MYH10: variants seen among roughly 807,000 people sequenced by gnomAD.
MYH10 encodes myosin heavy chain 10, also known as myosin-10.
In MYH10, 55 loss-of-function variants were observed where a neutral mutation model predicts 257.8. That is an observed-to-expected ratio of 0.21 (90% CI 0.17 to 0.27). The LOEUF (loss-of-function observed/expected upper bound fraction) is 0.27. MYH10 is among the 10% of genes least tolerant of loss of function. The pLI, the probability that MYH10 is intolerant of heterozygous loss-of-function variation, is 1.00. For synonymous variants in MYH10, 854 were observed against 921.7 expected (o/e 0.93, Z 1.33); for missense variants, 1,631 against 2,500.6 (o/e 0.65, Z 7.42).
At chr17:8,489,274 T>C (rs1915367552) in intron 35 of MYH10, among the ~76,000 whole-genome samples, 1 of 152,136 alleles carries the variant, frequency 6.6e-6, no homozygotes. Context: ...GCTTCCCAAT[T>C]CCTCACCCAC....
chr17:8,484,921 C>T (rs1407620968), intron 36 of MYH10, among the ~76,000 whole-genome samples: 1 of 152,184 alleles, frequency 6.6e-6, no homozygotes, highest in Admixed American at 6.5e-5. Context: ...GATCTTGCCA[C>T]TTCTACTTAA....
In MYH10 at chr17:8,551,156, A is replaced by G. The variant is rs199901642; in HGVS notation, c.919+890T>C. 1.6e-3 allele frequency among the ~76,000 whole-genome samples: 16 copies of G among 10,132 alleles called. 1 individual carries two copies. Among genetic ancestry groups the G allele is most frequent in the Non-Finnish European group, 2.6e-3 (11 of 4,288 alleles). 6.6% of individuals were successfully genotyped at this position (10,132 alleles called of 152,430 possible). A position where few individuals can be genotyped will look rare whatever the true frequency, so the allele number is the denominator to read the frequency against. On this transcript the variant is annotated intron_variant, in intron 9 of 42. Coordinates refer to ENST00000360416, the MANE Select transcript of MYH10 (RefSeq NM_001256012.3). The stretch of plus-strand genomic sequence containing the variant: ...TATCAATAAAAAATAAATAAATAAT[A>G]AATTTAAAAAAAAAAAAAAAGAATT...
At chr17:8,618,857 T>C (rs1000444830) in intron 2 of MYH10, among the ~76,000 whole-genome samples, 2 of 152,222 alleles carry the variant, frequency 1.3e-5, no homozygotes, top group Non-Finnish European at 2.9e-5. Context: ...GATACAAGTT[T>C]CCTAAAATTC....
At chr17:8,517,098 G>A (rs1053953921) in intron 21 of MYH10, among the ~76,000 whole-genome samples, 1 of 152,158 alleles carries the variant, frequency 6.6e-6, no homozygotes, top group South Asian at 2.1e-4. Context: ...CCGAGGTCGC[G>A]CCACTGCACT....
chr17:8,595,012 C>T (rs1388432841), intron 3 of MYH10, among the ~76,000 whole-genome samples: 2 of 152,092 alleles, frequency 1.3e-5, no homozygotes, highest in Non-Finnish European at 2.9e-5. Flanking sequence ...AAACTGAAAA[C>T]AATCTAAATG....
intron 16 of MYH10, among the ~76,000 whole-genome samples, chr17:8,534,982 G>A (rs1393206404): frequency 4.6e-5 from 7 of 152,204 alleles, no homozygotes; most frequent in East Asian, 1.9e-4. Context: ...TGGGTGTCGC[G>A]GCGGGTGCGG....
At chr17:8,578,353 C>T (rs2083578818) in intron 4 of MYH10, among the ~76,000 whole-genome samples, 1 of 151,472 alleles carries the variant, frequency 6.6e-6, no homozygotes, top group South Asian at 2.1e-4. Flanking sequence ...AACAATTCTC[C>T]TGCCTCAGCT....
chr17:8,522,113 AAAG>A (rs1379479193), intron 17 of MYH10, among the ~76,000 whole-genome samples: 2 of 152,228 alleles, frequency 1.3e-5, no homozygotes, highest in Non-Finnish European at 2.9e-5. Flanking sequence ...CTCTTATTGA[AAAG>A]AAGTTAAATG....
Position 8,523,973 on chromosome 17 carries a change from G to A in MYH10, c.1958-2688C>T, listed in dbSNP as rs184989972. 9.3e-4 allele frequency among the ~76,000 whole-genome samples: 141 copies of A among 152,284 alleles called. 1 individual carries two copies. The highest frequency in any genetic ancestry group is 3.2e-3 in the African/African-American group (132 of 41,556). On this transcript the variant is annotated intron_variant, in intron 17 of 42. Coordinates refer to ENST00000360416, the MANE Select transcript of MYH10 (RefSeq NM_001256012.3). ...AAGTCTGGGATGCCTGGGGGACTTC[G>A]AAGTGGAAGAGAAATGTCAAGTGAC...
In MYH10 at chr17:8,504,453, C is replaced by T. The variant is rs945924004; in HGVS notation, c.3599+241G>A. Among the ~76,000 whole-genome samples, 4 of 152,292 alleles carry T rather than the reference C, an allele frequency of 2.6e-5. No individual in the cohort carries two copies. The highest frequency in any genetic ancestry group is 6.5e-5 in the Admixed American group (1 of 15,304). On this transcript the variant is annotated intron_variant, in intron 28 of 42. Transcript: ENST00000360416. The surrounding 1 kb of genome is among the most constrained non-coding windows in gnomAD (Gnocchi z 5.6). ...TATCCATCACTGACCACAGCTTTTC[C>T]GATCACATCCATCTCCCTCTGTGTC...
At chr17:8,503,449 T>A (rs1333991159) in intron 28 of MYH10, among the ~76,000 whole-genome samples, 1 of 151,994 alleles carries the variant, frequency 6.6e-6, no homozygotes, top group Non-Finnish European at 1.5e-5. Context: ...ATGGCTAGGA[T>A]CATGGCAAAC....
Position 8,475,916 on chromosome 17 carries a change from C to T in MYH10, c.5912G>A (p.Arg1971Gln), listed in dbSNP as rs370970711. ...AAGGTGCAGCTGGCGCCGGCCAGATCGGCTGGAAGAGAAGCTGATGGGGCC... is the reference window on the plus strand; with the variant it reads ...AAGGTGCAGCTGGCGCCGGCCAGATTGGCTGGAAGAGAAGCTGATGGGGCC... The part of the protein sequence containing the change: ...RGGPISFSSS[R>Q]SGRRQLHLEG... The change falls in exon 43 of 43, where the codon CGA (arginine) becomes CAA (glutamine). Residue 1971 changes from arginine to glutamine, a missense_variant. This residue lies in a region of MYH10 where 343 missense variants were observed against 389.5 expected (regional missense o/e 0.88). Transcript: ENST00000360416. 33 of 1,613,920 alleles carry T rather than the reference C, an allele frequency of 2.0e-5. No homozygotes were observed. Among genetic ancestry groups the T allele is most frequent in the African/African-American group, 2.7e-5 (2 of 74,934 alleles).
At chr17:8,554,657 C>T (rs1207363653) in intron 7 of MYH10, among the ~76,000 whole-genome samples, 1 of 152,036 alleles carries the variant, frequency 6.6e-6, no homozygotes, top group Non-Finnish European at 1.5e-5. Context: ...AAAGATATTA[C>T]AAGGAAAGCA....
rs751116488 is a variant in MYH10, at chr17:8,477,827, C to T, written c.5706+511G>A. 1.3e-5 allele frequency among the ~76,000 whole-genome samples: 2 copies of T among 152,206 alleles called. No homozygotes were observed. Among genetic ancestry groups the T allele is most frequent in the Non-Finnish European group, 1.5e-5 (1 of 68,036 alleles). On this transcript the variant is annotated intron_variant, in intron 41 of 42. Transcript: ENST00000360416. The surrounding 1 kb of genome is among the most constrained non-coding windows in gnomAD (Gnocchi z 4.2). ...ATAGCTGCCCACGCTGCAATCAGGG[C>T]AGGCCTGACCCACAGTTCAAAGTCC...
Position 8,475,917 on chromosome 17 carries a change from G to A in MYH10, c.5911C>T (p.Arg1971Ter). Residue 1971 changes from arginine to a stop codon, truncating the protein, a stop_gained, in exon 43 of 43, where the codon CGA becomes TGA. Transcript: ENST00000360416. LOFTEE classifies it high-confidence loss of function. ...RGGPISFSSS[R>*]SGRRQLHLEG... ...AGGTGCAGCTGGCGCCGGCCAGATCGGCTGGAAGAGAAGCTGATGGGGCCA... is the reference window on the plus strand; with the variant it reads ...AGGTGCAGCTGGCGCCGGCCAGATCAGCTGGAAGAGAAGCTGATGGGGCCA... The A allele has an allele frequency of 1.2e-6, 2 of 1,614,020 alleles. No homozygotes were observed. The highest frequency in any genetic ancestry group is 1.7e-6 in the Non-Finnish European group (2 of 1,180,026).
At chr17:8,485,058 A>G (rs560770137) in intron 36 of MYH10, among the ~76,000 whole-genome samples, 1 of 152,370 alleles carries the variant, frequency 6.6e-6, no homozygotes, top group South Asian at 2.1e-4. Flanking sequence ...TATATAGAAA[A>G]TCTTAAGGAA....
At chr17:8,527,262 G>C (rs887860029) in intron 17 of MYH10, among the ~76,000 whole-genome samples, 1 of 152,200 alleles carries the variant, frequency 6.6e-6, no homozygotes, top group Non-Finnish European at 1.5e-5. Flanking sequence ...AAAACCCCAG[G>C]AAGTTAAGAG....
chr17:8,585,413 CCTAAATAGTTAT>C (rs2083882229), intron 4 of MYH10, among the ~76,000 whole-genome samples: 1 of 150,354 alleles, frequency 6.7e-6, no homozygotes, highest in South Asian at 2.1e-4. Flanking sequence ...AGTGACTGCC[CCTAAATAGTTAT>C]CTTATGCAGA....
intron 7 of MYH10, among the ~76,000 whole-genome samples, chr17:8,567,975 G>A (rs2083215757): frequency 6.6e-6 from 1 of 152,098 alleles, no homozygotes. Context: ...CCTTGCCGGC[G>A]CCCAGATGTC....
Sources: allele counts gnomAD v4.1 joint callset (sites outside exome capture counted in the v4.1 genomes callset), GRCh38; gene constraint gnomAD v4.1.1; regional missense constraint gnomAD v4.1.1; non-coding constraint Gnocchi (gnomAD v3.1); transcripts MANE v1.5; gene names NCBI Gene and HGNC (gene_info 2026-07-23, HGNC 2026-07-21).